The following NLRP12 variants were observed in gnomAD, a reference collection of about 807,000 sequenced individuals.
NLRP12 encodes NACHT, LRR and PYD domains-containing protein 12.
A neutral mutation model predicts 91.2 loss-of-function variants in NLRP12; 108 were observed. The observed-to-expected ratio is 1.18, with a 90% confidence interval of 1.01 to 1.39. NLRP12 has a LOEUF of 1.39. NLRP12 is among the 40% of genes most tolerant of loss of function. The pLI, the probability that NLRP12 is intolerant of heterozygous loss-of-function variation, is 0.00. For missense variants in NLRP12, 1,530 were observed against 1,352.7 expected (o/e 1.13, Z -2.06); for synonymous variants, 613 against 566.7 (o/e 1.08, Z -1.16).
At chr19:53,822,482 C>T (rs2092274979) in intron 1 of NLRP12, among the ~76,000 whole-genome samples, 1 of 151,920 alleles carries the variant, frequency 6.6e-6, no homozygotes, top group Admixed American at 6.6e-5. Context: ...CCCGTAATCC[C>T]AGCACTTTGG....
chr19:53,812,400 G>A (rs1033190292), intron 2 of NLRP12, among the ~76,000 whole-genome samples: 44 of 148,194 alleles, frequency 3.0e-4, no homozygotes, highest in African/African-American at 1.1e-3. Flanking sequence ...GCGACAGCGT[G>A]AGACTCTGCC....
At position 53,807,514 on chromosome 19, in the gene NLRP12, A is replaced by T; in HGVS notation, c.2224T>A (p.Cys742Ser). 2 of 1,614,050 alleles carry T rather than the reference A, an allele frequency of 1.2e-6. No homozygotes were observed. Among genetic ancestry groups the T allele is most frequent in the Non-Finnish European group, 1.7e-6 (2 of 1,179,976 alleles). ...LLCQGLRHPN[C>S]KLQNLRLKRC... is the part of the protein sequence containing the mutation. Reference sequence around the variant, plus strand: ...ACTCACCTCAGGTTCTGAAGTTTGCAGTTGGGGTGTCTGAGTCCTTGACAG... The same window carrying T: ...ACTCACCTCAGGTTCTGAAGTTTGCTGTTGGGGTGTCTGAGTCCTTGACAG... The change falls in exon 4 of 10, where the codon TGC becomes AGC. Residue 742 changes from cysteine to serine, a missense_variant. Transcript: ENST00000324134.
chr19:53,815,101 C>T (rs2092137113), intron 1 of NLRP12, 113 bp from the exon 2 acceptor site: 1 of 804,498 alleles, frequency 1.2e-6, no homozygotes. Context: ...ACCCGCACCC[C>T]AGAATGTTCA....
intron 8 of NLRP12, chr19:53,796,266 G>A: frequency 2.1e-6 from 1 of 475,446 alleles, no homozygotes; most frequent in Non-Finnish European, 4.0e-6. Context: ...TTTTTGTTTT[G>A]TTTGAGATGG....
At chr19:53,805,150 T>G in intron 5 of NLRP12, 130 bp downstream of exon 5, 1 of 925,444 alleles carries the variant, frequency 1.1e-6, no homozygotes, top group Non-Finnish European at 1.7e-6. Context: ...AGGGCCAGGG[T>G]CTTAGGTCAT....
chr19:53,823,618 A>G (rs1217145965), intron 1 of NLRP12, among the ~76,000 whole-genome samples: 1 of 150,868 alleles, frequency 6.6e-6, no homozygotes, highest in Non-Finnish European at 1.5e-5. Context: ...GCAGGATCAT[A>G]GCTCACCGCA....
intron 1 of NLRP12, among the ~76,000 whole-genome samples, chr19:53,820,935 A>G (rs759241218): frequency 2.0e-5 from 3 of 151,448 alleles, no homozygotes; most frequent in Non-Finnish European, 4.4e-5. Context: ...GCAATAGCCT[A>G]TATTTGCTGA....
At chr19:53,803,099 C>T (rs79397082) in intron 6 of NLRP12, among the ~76,000 whole-genome samples, 338 of 152,162 alleles carry the variant, frequency 2.2e-3, no homozygotes, top group African/African-American at 7.9e-3. Context: ...ATGCAGAACC[C>T]GTGGACACAG....
chr19:53,803,709 G>GAGTA, intron 6 of NLRP12: 1 of 476,670 alleles, frequency 2.1e-6, no homozygotes, highest in Non-Finnish European at 4.0e-6. Context: ...GAGTAGCTGT[G>GAGTA]ATTACAGGCG....
chr19:53,794,324 A>T (rs1039516718), intron 9 of NLRP12, among the ~76,000 whole-genome samples, 188 bp from the exon 10 acceptor site: 3 of 145,750 alleles, frequency 2.1e-5, no homozygotes, highest in African/African-American at 7.5e-5. Context: ...TAACTGCATA[A>T]TTTTTTTTTT....
chr19:53,807,623 C>T lies in NLRP12; in HGVS notation c.2115G>A (p.Leu705=), dbSNP rs750682997. ...TTGGATTGGTGCACAGGGCCGCTGCCAGATGTTCACTGTAGGCGTCCAGCA... is the reference window on the plus strand; with the variant it reads ...TTGGATTGGTGCACAGGGCCGCTGCTAGATGTTCACTGTAGGCGTCCAGCA... ...TVLLDAYSEH[L]AAALCTNPNL... The change falls in exon 4 of 10, where the codon CTG becomes CTA. Residue 705 remains leucine (L), a synonymous_variant. Coordinates refer to ENST00000324134, the MANE Select transcript of NLRP12 (RefSeq NM_144687.4). 6.2e-7 allele frequency: 1 copy of T among 1,614,148 alleles called. No homozygotes were observed. Among genetic ancestry groups the T allele is most frequent in the South Asian group, 1.1e-5 (1 of 91,084 alleles).
At position 53,793,876 on chromosome 19, in the gene NLRP12, C is replaced by A. The variant is rs548562847; in HGVS notation, c.*173G>T. 10 of 693,550 alleles carry A rather than the reference C, an allele frequency of 1.4e-5. No individual in the cohort carries two copies. The East Asian group carries it at 1.9e-4, about 13-fold the overall frequency. 43.0% of individuals were successfully genotyped at this position (693,550 alleles called of 1,614,324 possible). A position where few individuals can be genotyped will look rare whatever the true frequency, so the allele number is the denominator to read the frequency against. On this transcript the variant is annotated 3_prime_UTR_variant, in exon 10 of 10. Coordinates refer to ENST00000324134, the MANE Select transcript of NLRP12 (RefSeq NM_144687.4). ...CTAGGATTACATACATGAGCCACCA[C>A]GCCTGGCCAGCTCTGTCAAACATTA...
At chr19:53,798,695 G>A (rs1363261343) in intron 7 of NLRP12, among the ~76,000 whole-genome samples, 1 of 152,122 alleles carries the variant, frequency 6.6e-6, no homozygotes, top group Non-Finnish European at 1.5e-5. Context: ...TTGAGGTCAG[G>A]AGTTTGTGAC....
At position 53,807,662 on chromosome 19, in the gene NLRP12, T is replaced by C. The variant is rs746543191; in HGVS notation, c.2076A>G (p.Pro692=). Residue 692 remains proline (P), a synonymous_variant, in exon 4 of 10, where the codon CCA becomes CCG. Coordinates refer to ENST00000324134, the MANE Select transcript of NLRP12 (RefSeq NM_144687.4). The part of the protein sequence containing the change: ...AGAHTLLVQL[P]ERTVLLDAYS... ...AGGCGTCCAGCAGAACGGTCCTCTC[T>C]GGTCTGCTTGAAGGAAAGACAGGCC... 2.5e-6 allele frequency: 4 copies of C among 1,614,136 alleles called. No homozygotes were observed. The highest frequency in any genetic ancestry group is 1.7e-5 in the Admixed American group (1 of 60,002).
rs564145946 is a variant in NLRP12 at position 53,793,844 on chromosome 19, C to T, written c.*205G>A. The T allele has an allele frequency of 5.5e-4, 355 of 645,622 alleles. 2 individuals carry two copies. Among genetic ancestry groups the T allele is most frequent in the African/African-American group, 2.9e-3 (163 of 55,810 alleles). The allele number at this position is 645,622 out of a possible 1,614,324, so 40.0% of individuals were successfully genotyped here. Reference sequence around the variant, plus strand: ...TCGTGATCCACCTGCCTCGGCCTCTCGAAGTGCTAGGATTACATACATGAG... The same window carrying T: ...TCGTGATCCACCTGCCTCGGCCTCTTGAAGTGCTAGGATTACATACATGAG... On this transcript the variant is annotated 3_prime_UTR_variant, in exon 10 of 10. Transcript: ENST00000324134.
intron 2 of NLRP12, among the ~76,000 whole-genome samples, chr19:53,813,958 A>G (rs1174207398): frequency 2.0e-5 from 3 of 151,898 alleles, no homozygotes; most frequent in Non-Finnish European, 4.4e-5. Context: ...GGCGTGAGCC[A>G]CCTTGCTCAG....
intron 6 of NLRP12, among the ~76,000 whole-genome samples, chr19:53,802,363 A>T (rs572869247): frequency 6.6e-6 from 1 of 152,196 alleles, no homozygotes; most frequent in East Asian, 1.9e-4. Flanking sequence ...TACAAATGAA[A>T]ACCACGATAA....
intron 1 of NLRP12, among the ~76,000 whole-genome samples, chr19:53,818,739 C>T (rs531411738): frequency 1.1e-4 from 17 of 152,270 alleles, no homozygotes; most frequent in Non-Finnish European, 1.6e-4. Context: ...GAGATGTTCT[C>T]CCTCAGTGTT....
chr19:53,799,257 G>C (rs997448429), intron 7 of NLRP12, among the ~76,000 whole-genome samples: 1 of 151,796 alleles, frequency 6.6e-6, no homozygotes, highest in African/African-American at 2.4e-5. Flanking sequence ...TGATCCACCC[G>C]CCTCAGCCTC....
Sources: gnomAD v4.1 joint callset for allele counts (sites outside exome capture counted in the v4.1 genomes callset) on GRCh38, gnomAD v4.1.1 for gene constraint, MANE v1.5 for transcripts, NCBI Gene and HGNC (gene_info 2026-07-23, HGNC 2026-07-21) for gene names.